P2RX1: variants seen among roughly 807,000 people sequenced by gnomAD.
The protein encoded by P2RX1 is purinergic receptor P2X 1.
P2RX1 carries 42 observed loss-of-function variants against 50.3 expected under a neutral mutation model. The ratio of observed to expected loss-of-function variants is 0.83; its 90% CI spans 0.65 to 1.08. The LOEUF is 1.08. Among genes scored for constraint, P2RX1 ranks in the 50% least tolerant of loss-of-function variants. The pLI is 0.00. For missense variants in P2RX1, 449 were observed against 529.0 expected, an observed-to-expected ratio of 0.85 and a Z score of 1.48; for synonymous variants, 199 against 202.6, an observed-to-expected ratio of 0.98 and a Z score of 0.15.
chr17:3,904,951 A>AGGGGGGGGGGGGG, intron 2 of P2RX1, 22 bp from the exon 3 acceptor site: 1 of 159,514 alleles, frequency 6.3e-6, no homozygotes, highest in Admixed American at 9.7e-5. Flanking sequence ...GGGCAGGGGG[A>AGGGGGGGGGGGGG]GGGTGGGGTG....
chr17:3,898,278 A>G (rs1000379976), intron 10 of P2RX1, among the ~76,000 whole-genome samples, 168 bp from the exon 11 acceptor site: 1 of 151,780 alleles, frequency 6.6e-6, no homozygotes, highest in Non-Finnish European at 1.5e-5. Context: ...CAGGGGACCA[A>G]GATGGTTCCA....
At chr17:3,905,004 C>A in intron 2 of P2RX1, 75 bp from the exon 3 acceptor site, 1 of 1,224,222 alleles carries the variant, frequency 8.2e-7, no homozygotes, top group South Asian at 1.3e-5. Flanking sequence ...CCACCGCTGC[C>A]CCAGCAGAGG....
At position 3,903,642 on chromosome 17, in the gene P2RX1, C is replaced by G; in HGVS notation, c.525-11G>C. ...CGGAGAAGGGCAGGGCTGGAGGACACCACACGCACTCACCGCCCCTCCCCA... is the reference window on the plus strand; with the variant it reads ...CGGAGAAGGGCAGGGCTGGAGGACAGCACACGCACTCACCGCCCCTCCCCA... On this transcript the variant is annotated splice_polypyrimidine_tract_variant and intron_variant, in intron 5 of 11. Transcript: ENST00000225538. The surrounding 1 kb of genome is among the most constrained non-coding windows in gnomAD (Gnocchi z 4.6). 1 of 1,613,448 alleles carries G rather than the reference C, an allele frequency of 6.2e-7. No homozygotes were observed. Among genetic ancestry groups the G allele is most frequent in the Non-Finnish European group, 8.5e-7 (1 of 1,179,526 alleles).
At chr17:3,909,403 C>CA in intron 1 of P2RX1, among the ~76,000 whole-genome samples, 1 of 152,194 alleles carries the variant, frequency 6.6e-6, no homozygotes, top group Non-Finnish European at 1.5e-5. Flanking sequence ...CTCCCATTTT[C>CA]ACTGTTCTCC....
intron 7 of P2RX1, among the ~76,000 whole-genome samples, chr17:3,901,460 G>A (rs1432443705): frequency 2.0e-5 from 3 of 152,322 alleles, no homozygotes; most frequent in Admixed American, 2.0e-4. Context: ...AGGAAACTGA[G>A]GCCCATGGGC....
intron 1 of P2RX1, among the ~76,000 whole-genome samples, chr17:3,910,240 G>T (rs1301250615): frequency 1.3e-5 from 2 of 152,166 alleles, no homozygotes; most frequent in Admixed American, 1.3e-4. Flanking sequence ...CTCCCAAAGT[G>T]CTGGGATTAC....
At chr17:3,909,523 C>G (rs1252907163) in intron 1 of P2RX1, among the ~76,000 whole-genome samples, 1 of 152,174 alleles carries the variant, frequency 6.6e-6, no homozygotes, top group Non-Finnish European at 1.5e-5. Context: ...TGCACTCTCC[C>G]CTGAGATTCA....
Position 3,899,836 on chromosome 17 carries a change from C to T in P2RX1, c.748-75G>A, listed in dbSNP as rs533826992. 13 of 1,569,180 alleles carry T rather than the reference C, an allele frequency of 8.3e-6. No homozygotes were observed. The African/African-American group carries it at 1.8e-4, about 21-fold the overall frequency. On this transcript the variant is annotated intron_variant, in intron 7 of 11. Transcript: ENST00000225538. ...CCTGTCTCAGCCGGGCGCAGTGGCT[C>T]ACACCTGTAATCCCAGCACTTTGGG...
At chr17:3,913,866 G>GT (rs796473168) in intron 1 of P2RX1, among the ~76,000 whole-genome samples, 7 of 152,216 alleles carry the variant, frequency 4.6e-5, no homozygotes, top group African/African-American at 1.7e-4. Context: ...CTCTTGGGGG[G>GT]GGTGGTCCCC....
rs1646207239 is a variant in P2RX1 at position 3,914,357 on chromosome 17, G to C, written c.137+1732C>G. ...AGGGAAGACAGGCAGGAGGACGGTA[G>C]TGAGGTCCCCGTCACTGGAGGTATA... On this transcript the variant is annotated intron_variant, in intron 1 of 11. Coordinates refer to ENST00000225538, the MANE Select transcript of P2RX1 (RefSeq NM_002558.4). This position sits in a 1 kb window ranked among gnomAD's most constrained non-coding sequence, Gnocchi z 4.1. 6.6e-6 allele frequency among the ~76,000 whole-genome samples: 1 copy of C among 152,032 alleles called. No homozygotes were observed. The highest frequency in any genetic ancestry group is 6.6e-5 in the Admixed American group (1 of 15,256).
intron 1 of P2RX1, among the ~76,000 whole-genome samples, chr17:3,911,988 A>G (rs2056373683): frequency 1.3e-5 from 2 of 152,222 alleles, no homozygotes; most frequent in Non-Finnish European, 2.9e-5. Context: ...CTGGAGAAGG[A>G]GCCACTCTTG....
At chr17:3,915,888 C>G (rs776727788) in intron 1 of P2RX1, 1 of 722,744 alleles carries the variant, frequency 1.4e-6, no homozygotes, top group East Asian at 2.7e-5. Flanking sequence ...GGCCCCCGGG[C>G]AGGGCTTCCC....
chr17:3,899,204 T>C (rs2056088598), intron 8 of P2RX1, among the ~76,000 whole-genome samples, 180 bp from the exon 9 acceptor site: 2 of 2,072 alleles, frequency 9.7e-4, no homozygotes, highest in Admixed American at 0.01. Flanking sequence ...CCCCAACTCC[T>C]TTTTCTTTTT....
rs989938573 is a variant in P2RX1 at position 3,896,997 on chromosome 17, A to C, written c.*817T>G. Reference sequence around the variant, plus strand: ...CGTGAGCACACAACACACATGCTGAAGGTGTTTGAGACCCTGTTCAGTGTC... The same window carrying C: ...CGTGAGCACACAACACACATGCTGACGGTGTTTGAGACCCTGTTCAGTGTC... On this transcript the variant is annotated 3_prime_UTR_variant, in exon 12 of 12. Coordinates refer to ENST00000225538, the MANE Select transcript of P2RX1 (RefSeq NM_002558.4). 3.3e-5 allele frequency: 5 copies of C among 152,936 alleles called. No homozygotes were observed. Among genetic ancestry groups the C allele is most frequent in the African/African-American group, 1.2e-4 (5 of 41,456 alleles). 9.5% of individuals were successfully genotyped at this position (152,936 alleles called of 1,614,324 possible).
chr17:3,908,514 A>G (rs114541183), intron 1 of P2RX1, among the ~76,000 whole-genome samples: 1,561 of 152,254 alleles, frequency 0.01, 32 homozygotes, highest in African/African-American at 0.035. Flanking sequence ...GTGAGCCAAG[A>G]TTGCACTCTG....
Position 3,903,502 on chromosome 17 carries a change from G to A in P2RX1, c.605+49C>T, listed in dbSNP as rs761338372. Reference sequence around the variant, plus strand: ...AGACAGAGACAGCTGAGAGCTGCCGGAGCGGCCCCGGCCAGCTGCCTGCAT... The same window carrying A: ...AGACAGAGACAGCTGAGAGCTGCCGAAGCGGCCCCGGCCAGCTGCCTGCAT... On this transcript the variant is annotated intron_variant, in intron 6 of 11. Coordinates refer to ENST00000225538, the MANE Select transcript of P2RX1 (RefSeq NM_002558.4). This position sits in a 1 kb window ranked among gnomAD's most constrained non-coding sequence, Gnocchi z 4.6. 3.8e-6 allele frequency: 6 copies of A among 1,598,888 alleles called. No individual in the cohort carries two copies. In the East Asian group the frequency reaches 1.1e-4, roughly 30 times the overall value.
chr17:3,899,709 A>G lies in P2RX1; in HGVS notation c.800T>C (p.Val267Ala), dbSNP rs1257080172. The change falls in exon 8 of 12, where the codon GTA (valine) becomes GCA (alanine). Residue 267 changes from valine (V) to alanine (A), a missense_variant. By Grantham distance (64) the Val-to-Ala change is moderately conservative (BLOSUM62 0). Transcript: ENST00000225538. ...IDWHCDLDWH[V>A]RHCRPIYEFH... ...CTCATAGATGGGTCTGCAGTGCCGT[A>G]CGTGCCAGTCCAGGTCACAGTGCCA... 1.2e-6 allele frequency: 2 copies of G among 1,614,014 alleles called. No homozygotes were observed.
intron 1 of P2RX1, among the ~76,000 whole-genome samples, chr17:3,905,802 G>A (rs1197517956): frequency 1.1e-4 from 16 of 146,422 alleles, no homozygotes; most frequent in African/African-American, 3.3e-4. Context: ...AGCCGAGATC[G>A]CGCTATTGCA....
At chr17:3,905,416 A>G in intron 1 of P2RX1, 49 bp from the exon 2 acceptor site, 1 of 1,606,246 alleles carries the variant, frequency 6.2e-7, no homozygotes, top group Non-Finnish European at 8.5e-7. Flanking sequence ...CACCAGCTGG[A>G]CCTGTCACAC....
Sources: allele counts gnomAD v4.1 joint callset (sites outside exome capture counted in the v4.1 genomes callset), GRCh38; gene constraint gnomAD v4.1.1; non-coding constraint Gnocchi (gnomAD v3.1); transcripts MANE v1.5; gene names NCBI Gene and HGNC (gene_info 2026-07-23, HGNC 2026-07-21).